The following RBL2 variants were observed in gnomAD, a reference collection of about 807,000 sequenced individuals.
The protein encoded by RBL2 is retinoblastoma-like protein 2.
RBL2 carries 56 observed loss-of-function variants against 126.0 expected under a neutral mutation model. The ratio of observed to expected loss-of-function variants is 0.44; its 90% CI spans 0.36 to 0.56. The LOEUF is 0.56. Ranked by LOEUF, RBL2 falls within the 20% of genes least tolerant of loss-of-function variation. RBL2 has a pLI of 0.00. For missense variants in RBL2, 1,229 were observed against 1,398.2 expected (o/e 0.88, Z 1.93); for synonymous variants, 454 against 478.5 (o/e 0.95, Z 0.67).
Position 53,459,702 on chromosome 16 carries a change from TCA to T in RBL2, c.1346+87_1346+88del, listed in dbSNP as rs1479393893. On this transcript the variant is annotated intron_variant, in intron 9 of 21. Coordinates refer to ENST00000262133, the MANE Select transcript of RBL2 (RefSeq NM_005611.4). ...ATTCTTTCATTATTAATGCCTTAAT[TCA>T]CCCATGAATAATTTTTTATCAATTG... 2.3e-6 allele frequency: 3 copies of T among 1,288,886 alleles called. No homozygotes were observed. In the African/African-American group the frequency reaches 4.5e-5, roughly 19 times the overall value. The allele number at this position is 1,288,886 out of a possible 1,614,324, so 79.8% of individuals were successfully genotyped here. A position where few individuals can be genotyped will look rare whatever the true frequency, so the allele number is the denominator to read the frequency against.
At position 53,462,745 on chromosome 16, in the gene RBL2, A is replaced by G. The variant is rs1347960098; in HGVS notation, c.1560+90A>G. ...GTGGGTTGTTTTTTTTACTTTATAT[A>G]TAGTCTCCTTTCATACACAAAAGTT... On this transcript the variant is annotated intron_variant, in intron 11 of 21. Transcript: ENST00000262133. The G allele has an allele frequency of 6.3e-6, 5 of 789,086 alleles. No homozygotes were observed. In the East Asian group the frequency reaches 9.2e-5, roughly 14 times the overall value. 48.9% of individuals were successfully genotyped at this position (789,086 alleles called of 1,614,324 possible). A position where few individuals can be genotyped will look rare whatever the true frequency, so the allele number is the denominator to read the frequency against.
intron 18 of RBL2, 138 bp from the exon 19 acceptor site, chr16:53,479,748 T>C (rs1960868221): frequency 1.7e-6 from 1 of 600,534 alleles, no homozygotes; most frequent in Non-Finnish European, 2.9e-6. Flanking sequence ...ATTTGAGTTA[T>C]GTTTCTCAAC....
In RBL2 at chr16:53,434,561, C is replaced by A; in HGVS notation, c.5C>A (p.Pro2Gln). The A allele has an allele frequency of 1.3e-6, 2 of 1,501,906 alleles. No individual in the cohort carries two copies. The highest frequency in any genetic ancestry group is 2.5e-5 in the South Asian group (2 of 79,030). 93.0% of individuals were successfully genotyped at this position (1,501,906 alleles called of 1,614,324 possible). M[P>Q]SGGDQSPPPP... ...CCGGCCGCCCAGGGGTGCGCTATGC[C>A]GTCGGGAGGTGACCAGTCGCCACCG... The change falls in exon 1 of 22, where the codon CCG becomes CAG. Residue 2 changes from proline (P) to glutamine (Q), a missense_variant. Physicochemically the swap from Pro to Gln is moderately conservative, Grantham distance 76. Around this residue, in one of 2 missense-constraint regions of RBL2, gnomAD observed 159 missense variants for 123.9 expected, o/e 1.28. Transcript: ENST00000262133.
At chr16:53,478,316 T>C (rs1006681283) in intron 17 of RBL2, among the ~76,000 whole-genome samples, 2 of 152,210 alleles carry the variant, frequency 1.3e-5, no homozygotes, top group Non-Finnish European at 2.9e-5. Flanking sequence ...CGGATGAGTT[T>C]ATCCTACCTG....
intron 14 of RBL2, among the ~76,000 whole-genome samples, chr16:53,469,050 T>C (rs1189177946): frequency 6.6e-6 from 1 of 152,144 alleles, no homozygotes; most frequent in Non-Finnish European, 1.5e-5. Flanking sequence ...GCCAACATGG[T>C]GAGACCTCAT....
At position 53,442,662 on chromosome 16, in the gene RBL2, A is replaced by T; in HGVS notation, c.376A>T (p.Ile126Phe). 1 of 1,610,628 alleles carries T rather than the reference A, an allele frequency of 6.2e-7. No homozygotes were observed. Among genetic ancestry groups the T allele is most frequent in the Non-Finnish European group, 8.5e-7 (1 of 1,177,794 alleles). Residue 126 changes from isoleucine (I) to phenylalanine (F), a missense_variant, in exon 3 of 22, where the codon ATC (isoleucine) becomes TTC (phenylalanine). Physicochemically the swap from Ile to Phe is conservative, Grantham distance 21. Transcript: ENST00000262133. ...RILKCSEQSLIEFFNKMKKWE... is the reference protein window; with the variant it reads ...RILKCSEQSLFEFFNKMKKWE... ...CTTGTTTGTCTTTAATACCAGCTTAATCGAATTTTTTAATAAGATGAAGAA... is the reference window on the plus strand; with the variant it reads ...CTTGTTTGTCTTTAATACCAGCTTATTCGAATTTTTTAATAAGATGAAGAA...
At chr16:53,490,000 GT>G (rs1402842818) in intron 21 of RBL2, 129 bp from the exon 22 acceptor site, 5 of 660,042 alleles carry the variant, frequency 7.6e-6, no homozygotes, top group East Asian at 6.5e-5. Flanking sequence ...GTAACTTAGT[GT>G]TTCTTTTCTC....
chr16:53,453,852 A>T, intron 7 of RBL2, 83 bp downstream of exon 7: 1 of 1,186,828 alleles, frequency 8.4e-7, no homozygotes, highest in Middle Eastern at 2.9e-4. Context: ...TATTGTTTGT[A>T]CTCTGGAAAC....
chr16:53,480,269 T>G (rs945455115), intron 19 of RBL2: 15 of 523,090 alleles, frequency 2.9e-5, no homozygotes, highest in Middle Eastern at 5.0e-4. Context: ...GGAACCATGC[T>G]ATGGAAATAC....
In RBL2 at chr16:53,453,787, A is replaced by C. The variant is rs761596968; in HGVS notation, c.992+18A>C. 6.4e-7 allele frequency: 1 copy of C among 1,555,320 alleles called. No homozygotes were observed. The highest frequency in any genetic ancestry group is 1.9e-5 in the Admixed American group (1 of 53,066). The stretch of plus-strand genomic sequence containing the variant: ...GAGAGTTTGTGAGTACTTCTGTATA[A>C]AATGTTTTAATATTTTAAATTGTAT... On this transcript the variant is annotated intron_variant, in intron 7 of 21. Transcript: ENST00000262133.
intron 2 of RBL2, 44 bp from the exon 3 acceptor site, chr16:53,442,613 AG>A (rs779484676): frequency 1.4e-6 from 2 of 1,391,488 alleles, no homozygotes; most frequent in Middle Eastern, 4.4e-4. Context: ...TGTATACTTT[AG>A]CCTTATGTTA....
chr16:53,481,018 G>A (rs1353110425), intron 20 of RBL2: 1 of 331,690 alleles, frequency 3.0e-6, no homozygotes, highest in African/African-American at 2.2e-5. Context: ...AATGAGCTGG[G>A]CGTGGTGGCA....
Position 53,470,815 on chromosome 16 carries a change from A to G in RBL2, c.2596A>G (p.Lys866Glu). 2.5e-6 allele frequency: 4 copies of G among 1,613,546 alleles called. No individual in the cohort carries two copies. The highest frequency in any genetic ancestry group is 3.4e-6 in the Non-Finnish European group (4 of 1,179,494). The change falls in exon 17 of 22, where the codon AAA becomes GAA. Residue 866 changes from lysine to glutamate, a missense_variant. Physicochemically the swap from Lys to Glu is moderately conservative, Grantham distance 56. This residue lies in a region of RBL2 where 1,070 missense variants were observed against 1,274.3 expected (regional missense o/e 0.84). Transcript: ENST00000262133. ...AKLDISDELR[K>E]KIWTCFEFSI... The stretch of plus-strand genomic sequence containing the variant: ...ACTAGATATTTCAGATGAATTGAGG[A>G]AAAAAATCTGGACCTGCTTTGAATT...
At chr16:53,454,482 C>A in intron 7 of RBL2, 174 bp from the exon 8 acceptor site, 1 of 581,202 alleles carries the variant, frequency 1.7e-6, no homozygotes, top group Non-Finnish European at 3.0e-6. Flanking sequence ...GGATTACAGA[C>A]GGGAGCTACT....
chr16:53,459,602 T>C lies in RBL2; in HGVS notation c.1331T>C (p.Leu444Pro). The C allele has an allele frequency of 6.4e-7, 1 of 1,555,400 alleles. No individual in the cohort carries two copies. The highest frequency in any genetic ancestry group is 8.7e-7 in the Non-Finnish European group (1 of 1,154,706). Residue 444 changes from leucine to proline, a missense_variant, in exon 9 of 22, where the codon CTG becomes CCG. Leu to Pro is a moderately conservative substitution (Grantham distance 98). Transcript: ENST00000262133. ...TGLRNAPSEK[L>P]EQILRTCSRD... ...CTCAGGAATGCACCAAGTGAGAAAC[T>C]GGAACAGATTCTCAGGTTAGTTTGA... is the stretch of plus-strand genomic sequence containing the variant.
rs1380619008 is a variant in RBL2 at position 53,470,615 on chromosome 16, T to A, written c.2478T>A (p.Ser826Arg). 10 of 1,614,098 alleles carry A rather than the reference T, an allele frequency of 6.2e-6. No homozygotes were observed. The highest frequency in any genetic ancestry group is 1.3e-5 in the African/African-American group (1 of 74,936). ...QQKQGQSVTSSSNRPRKTSSL... is the reference protein window; with the variant it reads ...QQKQGQSVTSRSNRPRKTSSL... Reference sequence around the variant, plus strand: ...AGCAAGGCCAGTCTGTAACCAGCAGTAGTAATAGACCCAGGAAGACCAGCT... The same window carrying A: ...AGCAAGGCCAGTCTGTAACCAGCAGAAGTAATAGACCCAGGAAGACCAGCT... The change falls in exon 16 of 22, where the codon AGT (serine) becomes AGA (arginine). Residue 826 changes from serine (S) to arginine (R), a missense_variant. Coordinates refer to ENST00000262133, the MANE Select transcript of RBL2 (RefSeq NM_005611.4).
chr16:53,475,090 G>A (rs1960679193), intron 17 of RBL2, among the ~76,000 whole-genome samples: 1 of 152,206 alleles, frequency 6.6e-6, no homozygotes, highest in Non-Finnish European at 1.5e-5. Context: ...GGTAGTGTAT[G>A]TCTTTCTAAG....
chr16:53,486,701 G>A (rs8057808), intron 21 of RBL2, among the ~76,000 whole-genome samples: 49,859 of 152,012 alleles, frequency 0.33, 8,927 homozygotes, highest in African/African-American at 0.45. Flanking sequence ...CCTTGCCCCT[G>A]TGATCAAGAA....
At chr16:53,437,688 AATT>A (rs1451540325) in intron 1 of RBL2, among the ~76,000 whole-genome samples, 6 of 152,154 alleles carry the variant, frequency 3.9e-5, no homozygotes, top group Non-Finnish European at 8.8e-5. Context: ...ATTCAAGCTT[AATT>A]TTGTATTTCT....
Sources: gnomAD v4.1 joint callset for allele counts (sites outside exome capture counted in the v4.1 genomes callset) on GRCh38, gnomAD v4.1.1 for gene constraint, gnomAD v4.1.1 regional missense constraint, MANE v1.5 for transcripts, NCBI Gene and HGNC (gene_info 2026-07-23, HGNC 2026-07-21) for gene names.